The following CHST9 variants were observed in gnomAD, a reference collection of about 807,000 sequenced individuals.
The protein encoded by CHST9 is carbohydrate sulfotransferase 9, also known as GalNAc-4-sulfotransferase 2.
A neutral mutation model predicts 44.4 loss-of-function variants in CHST9; 41 were observed. The ratio of observed to expected loss-of-function variants is 0.92; its 90% CI spans 0.72 to 1.20. The LOEUF is 1.20. Among genes scored for constraint, CHST9 ranks in the 50% most tolerant of loss-of-function variants. The probability of loss-of-function intolerance (pLI) is 0.00; values close to 1 mark genes in which losing one functional copy is unlikely to be tolerated. For synonymous variants in CHST9, 171 were observed against 178.4 expected (o/e 0.96, Z 0.33); for missense variants, 504 against 516.5 (o/e 0.98, Z 0.23).
intron 1 of CHST9, among the ~76,000 whole-genome samples, chr18:27,176,240 A>T (rs1235639239): frequency 6.6e-6 from 1 of 151,958 alleles, no homozygotes; most frequent in Admixed American, 6.6e-5. Context: ...TTTAAGTGTT[A>T]TCCGTGGTTG....
In CHST9 at chr18:26,916,221, CATT is replaced by C. The variant is rs765470557; in HGVS notation, c.*35_*37del. 2 of 1,379,978 alleles carry C rather than the reference CATT, an allele frequency of 1.4e-6. No individual in the cohort carries two copies. Among genetic ancestry groups the C allele is most frequent in the Non-Finnish European group, 2.0e-6 (2 of 1,005,364 alleles). The allele number at this position is 1,379,978 out of a possible 1,614,324, so 85.5% of individuals were successfully genotyped here. On this transcript the variant is annotated 3_prime_UTR_variant, in exon 6 of 6. Transcript: ENST00000618847. ...ATTACAGCTGATTTGAACTTATCAT[CATT>C]AAGTATATACAGGGTTTTAGAAAAT...
rs2058659614 is a variant in CHST9 at position 27,151,564 on chromosome 18, A to C, written c.-96-8659T>G. Among the ~76,000 whole-genome samples, 3 of 152,200 alleles carry C rather than the reference A, an allele frequency of 2.0e-5. No individual in the cohort carries two copies. In the South Asian group the frequency reaches 6.2e-4, roughly 32 times the overall value. On this transcript the variant is annotated intron_variant, in intron 1 of 5. Coordinates refer to ENST00000618847, the MANE Select transcript of CHST9 (RefSeq NM_031422.6). ...TGAAGTTTGCTAATAGGCCAACTTAATATAGGGAGATCATTCTGGATCATC... is the reference window on the plus strand; with the variant it reads ...TGAAGTTTGCTAATAGGCCAACTTACTATAGGGAGATCATTCTGGATCATC...
chr18:27,061,029 TG>T (rs2057715446), intron 2 of CHST9, among the ~76,000 whole-genome samples: 1 of 152,058 alleles, frequency 6.6e-6, no homozygotes. Flanking sequence ...CAGTGCATGT[TG>T]TCACATCTGG....
intron 2 of CHST9, among the ~76,000 whole-genome samples, chr18:27,062,242 A>G (rs967232999): frequency 1.3e-5 from 2 of 152,078 alleles, no homozygotes; most frequent in African/African-American, 2.4e-5. Flanking sequence ...TACATGTGCC[A>G]TGTTGGTGTG....
At chr18:27,124,572 T>G (rs774728834) in intron 2 of CHST9, among the ~76,000 whole-genome samples, 2 of 152,202 alleles carry the variant, frequency 1.3e-5, no homozygotes, top group Non-Finnish European at 2.9e-5. Flanking sequence ...ACACCACCAT[T>G]TTTCCATCAA....
At chr18:27,069,266 A>T (rs1568159505) in intron 2 of CHST9, among the ~76,000 whole-genome samples, 4 of 152,152 alleles carry the variant, frequency 2.6e-5, no homozygotes. Flanking sequence ...TCCTATAATA[A>T]AGGCTGTTTA....
At chr18:26,970,408 C>G (rs1367987793) in intron 4 of CHST9, among the ~76,000 whole-genome samples, 2 of 152,104 alleles carry the variant, frequency 1.3e-5, no homozygotes, top group Non-Finnish European at 2.9e-5. Context: ...TACACAACAG[C>G]CCTTTGAGGT....
At chr18:26,968,101 C>T (rs28564652) in intron 4 of CHST9, among the ~76,000 whole-genome samples, 44,659 of 152,000 alleles carry the variant, frequency 0.29, 7,727 homozygotes, top group African/African-American at 0.48. Context: ...ACCTTGCAGA[C>T]GGCCTATTGT....
chr18:27,179,701 A>G (rs879640557), intron 1 of CHST9, among the ~76,000 whole-genome samples: 1 of 152,114 alleles, frequency 6.6e-6, no homozygotes, highest in Non-Finnish European at 1.5e-5. Flanking sequence ...AACCTGGTAC[A>G]TAATTACAAT....
chr18:27,097,320 G>A (rs78171856), intron 2 of CHST9, among the ~76,000 whole-genome samples: 7 of 152,070 alleles, frequency 4.6e-5, no homozygotes, highest in Admixed American at 1.3e-4. Context: ...AACCATTTCC[G>A]TGGAGAACTG....
At chr18:27,050,382 A>C (rs2057551610) in intron 2 of CHST9, among the ~76,000 whole-genome samples, 1 of 152,184 alleles carries the variant, frequency 6.6e-6, no homozygotes, top group South Asian at 2.1e-4. Flanking sequence ...GGATAAGTGA[A>C]GACCATCCTT....
chr18:27,172,513 A>G (rs1171944914), intron 1 of CHST9, among the ~76,000 whole-genome samples: 1 of 152,004 alleles, frequency 6.6e-6, no homozygotes, highest in East Asian at 1.9e-4. Flanking sequence ...AGTACTTCTT[A>G]AGAACATGCT....
intron 2 of CHST9, among the ~76,000 whole-genome samples, chr18:27,078,382 G>A (rs185665463): frequency 1.1e-4 from 16 of 152,152 alleles, no homozygotes; most frequent in Admixed American, 4.6e-4. Context: ...TGTTATTCAT[G>A]GTAGTTTGGT....
Position 26,912,439 on chromosome 18 carries a change from T to A in CHST9, c.*3820A>T, listed in dbSNP as rs959435829. ...GACACCCATATTTGTATGGAAAAAA[T>A]TTCAGGATTCCAATATATTGTTTTT... On this transcript the variant is annotated 3_prime_UTR_variant, in exon 6 of 6. Coordinates refer to ENST00000618847, the MANE Select transcript of CHST9 (RefSeq NM_031422.6). 1.4e-5 allele frequency: 2 copies of A among 147,634 alleles called. No homozygotes were observed. The highest frequency in any genetic ancestry group is 6.8e-5 in the Admixed American group (1 of 14,778). The allele number at this position is 147,634 out of a possible 1,614,324, so 9.1% of individuals were successfully genotyped here. A position where few individuals can be genotyped will look rare whatever the true frequency, so the allele number is the denominator to read the frequency against.
chr18:26,983,464 T>C lies in CHST9; in HGVS notation c.203-39098A>G, dbSNP rs11875304. Reference sequence around the variant, plus strand: ...CCCAACTCACTCTCTTGTTCCTGCTTCTCCCATGTGACATGCCTGCTCCCT... The same window carrying C: ...CCCAACTCACTCTCTTGTTCCTGCTCCTCCCATGTGACATGCCTGCTCCCT... On this transcript the variant is annotated intron_variant, in intron 4 of 5. Coordinates refer to ENST00000618847, the MANE Select transcript of CHST9 (RefSeq NM_031422.6). Among the ~76,000 whole-genome samples, 817 of 152,154 alleles carry C rather than the reference T, an allele frequency of 5.4e-3. 11 individuals carry two copies. The highest frequency in any genetic ancestry group is 0.019 in the African/African-American group (777 of 41,508).
intron 2 of CHST9, among the ~76,000 whole-genome samples, chr18:27,085,155 A>G (rs1310389063): frequency 6.6e-6 from 1 of 151,866 alleles, no homozygotes; most frequent in Non-Finnish European, 1.5e-5. Flanking sequence ...TGTCTGTTGC[A>G]CCTATCATAT....
chr18:27,131,484 G>C (rs2058471258), intron 2 of CHST9, among the ~76,000 whole-genome samples: 1 of 152,212 alleles, frequency 6.6e-6, no homozygotes, highest in Non-Finnish European at 1.5e-5. Flanking sequence ...CTGGGAGGCA[G>C]AGATTGCAGT....
chr18:27,087,775 A>G (rs2058027099), intron 2 of CHST9, among the ~76,000 whole-genome samples: 1 of 152,202 alleles, frequency 6.6e-6, no homozygotes, highest in Non-Finnish European at 1.5e-5. Context: ...CTTCCAGAGG[A>G]AGCTAATGTA....
intron 2 of CHST9, among the ~76,000 whole-genome samples, chr18:27,078,466 A>C (rs58321369): frequency 0.045 from 6,820 of 151,688 alleles, 471 homozygotes; most frequent in African/African-American, 0.15. Flanking sequence ...ATACATGTGT[A>C]TGTAAAGTAT....
Sources: gnomAD v4.1 joint callset for allele counts (sites outside exome capture counted in the v4.1 genomes callset) on GRCh38, gnomAD v4.1.1 for gene constraint, MANE v1.5 for transcripts, NCBI Gene and HGNC (gene_info 2026-07-23, HGNC 2026-07-21) for gene names.